DHX9: variants seen among roughly 807,000 people sequenced by gnomAD.
DHX9 encodes the protein ATP-dependent RNA helicase A.
DHX9 carries 27 observed loss-of-function variants against 148.7 expected under a neutral mutation model. That is an observed-to-expected ratio of 0.18 (90% CI 0.13 to 0.25). The LOEUF (loss-of-function observed/expected upper bound fraction) is 0.25, where lower values mean the gene tolerates loss of function less well. Among genes scored for constraint, DHX9 ranks in the 10% least tolerant of loss-of-function variants. DHX9 has a pLI of 1.00. For synonymous variants in DHX9, 529 were observed against 516.6 expected, an observed-to-expected ratio of 1.02 and a Z score of -0.33; for missense variants, 796 against 1,559.6, an observed-to-expected ratio of 0.51 and a Z score of 8.25.
At chr1:182,867,912 T>C (rs1557973764) in intron 14 of DHX9, among the ~76,000 whole-genome samples, 1 of 152,228 alleles carries the variant, frequency 6.6e-6, no homozygotes, top group Admixed American at 6.5e-5. Context: ...TATAGTGACT[T>C]TCAAAGGTTT....
At chr1:182,877,055 ATAAT>A (rs1278687604) in intron 19 of DHX9, 152 bp downstream of exon 19, 2 of 497,326 alleles carry the variant, frequency 4.0e-6, no homozygotes, top group East Asian at 3.2e-5. Flanking sequence ...TAGGTAATTG[ATAAT>A]TAAGAGTAAT....
At chr1:182,877,343 C>T (rs1648856111) in intron 19 of DHX9, 1 of 155,580 alleles carries the variant, frequency 6.4e-6, no homozygotes, top group Non-Finnish European at 1.4e-5. Flanking sequence ...TACCAGGAGA[C>T]ATTCTGTGTA....
At chr1:182,844,355 C>T (rs539018884) in intron 3 of DHX9, among the ~76,000 whole-genome samples, 49 of 152,258 alleles carry the variant, frequency 3.2e-4, no homozygotes, top group African/African-American at 1.1e-3. Flanking sequence ...GCAACAAATA[C>T]CTCTGTCTAG....
intron 19 of DHX9, 150 bp from the exon 20 acceptor site, chr1:182,877,871 T>C (rs1393572388): frequency 8.1e-6 from 7 of 861,774 alleles, no homozygotes; most frequent in Non-Finnish European, 6.9e-6. Flanking sequence ...GCAGTCAGAT[T>C]GCTGATTCTT....
chr1:182,843,235 T>A, intron 2 of DHX9, 59 bp from the exon 3 acceptor site: 1 of 1,415,640 alleles, frequency 7.1e-7, no homozygotes, highest in Non-Finnish European at 9.3e-7. Context: ...GAATTACGAC[T>A]TTTTAAAATC....
chr1:182,886,807 T>C (rs571418869), intron 27 of DHX9, among the ~76,000 whole-genome samples: 11 of 152,234 alleles, frequency 7.2e-5, no homozygotes, highest in Non-Finnish European at 1.0e-4. Flanking sequence ...GGAACACTTA[T>C]GTTATTGAAC....
At chr1:182,862,837 T>C (rs1365960142) in intron 12 of DHX9, among the ~76,000 whole-genome samples, 1 of 152,196 alleles carries the variant, frequency 6.6e-6, no homozygotes, top group Non-Finnish European at 1.5e-5. Flanking sequence ...ATCTCCAACC[T>C]CTTATGGTAT....
At chr1:182,846,481 G>A (rs1162956914) in intron 3 of DHX9, among the ~76,000 whole-genome samples, 2 of 152,164 alleles carry the variant, frequency 1.3e-5, no homozygotes, top group Non-Finnish European at 2.9e-5. Context: ...TTATCTGCCC[G>A]CCTTGGCCTC....
chr1:182,866,441 C>T lies in DHX9; in HGVS notation c.1333-3C>T, dbSNP rs377222056. On this transcript the variant is annotated splice_polypyrimidine_tract_variant and splice_region_variant and intron_variant, in intron 12 of 27. Coordinates refer to ENST00000367549, the MANE Select transcript of DHX9 (RefSeq NM_001357.5). ...AAGTCACTTTTCTTTTTTTCTGTCT[C>T]AGCCCAGAAGAATCAGTGCGGTTTC... is the stretch of plus-strand genomic sequence containing the variant. 1.8e-4 allele frequency: 295 copies of T among 1,611,938 alleles called. 1 individual carries two copies. The highest frequency in any genetic ancestry group is 2.4e-4 in the Non-Finnish European group (286 of 1,179,396).
rs550469290 is a variant in DHX9, at chr1:182,859,996, T to C, written c.1144T>C (p.Leu382=). ...AAGTGTGACTTTTCTAATGCAGATC[T>C]TGCAGGAGAGAGAGTTACTGCCTGT... ...LEQDHDLQAI[L]QERELLPVKK... is the part of the protein sequence containing the mutation. Residue 382 remains leucine (L), a synonymous_variant, in exon 12 of 28, where the codon TTG becomes CTG. Transcript: ENST00000367549. 1 of 1,609,530 alleles carries C rather than the reference T, an allele frequency of 6.2e-7. No individual in the cohort carries two copies.
intron 27 of DHX9, 110 bp from the exon 28 acceptor site, chr1:182,886,973 C>T: frequency 1.0e-6 from 1 of 974,006 alleles, no homozygotes. Context: ...GTGCATTTGG[C>T]TTCATTCCCT....
At chr1:182,865,860 CTTAAACA>C (rs1648272143) in intron 12 of DHX9, among the ~76,000 whole-genome samples, 1 of 152,210 alleles carries the variant, frequency 6.6e-6, no homozygotes, top group African/African-American at 2.4e-5. Context: ...AGATCCAACA[CTTAAACA>C]TTAATCTATA....
At chr1:182,873,328 A>C (rs1648624908) in intron 15 of DHX9, among the ~76,000 whole-genome samples, 1 of 152,208 alleles carries the variant, frequency 6.6e-6, no homozygotes, top group Non-Finnish European at 1.5e-5. Context: ...GGGAAAAAAA[A>C]GAATTATGGT....
chr1:182,859,480 T>G (rs976553444), intron 11 of DHX9, among the ~76,000 whole-genome samples: 1 of 152,228 alleles, frequency 6.6e-6, no homozygotes, highest in African/African-American at 2.4e-5. Flanking sequence ...AAAAGATACA[T>G]TCTTCAGAAG....
At chr1:182,861,682 TCTCA>T (rs1668366515) in intron 12 of DHX9, among the ~76,000 whole-genome samples, 1 of 152,224 alleles carries the variant, frequency 6.6e-6, no homozygotes, top group Admixed American at 6.5e-5. Flanking sequence ...AAGTGCTTTG[TCTCA>T]CTGTCTTTTA....
chr1:182,850,973 TAG>T (rs920543669), intron 3 of DHX9, among the ~76,000 whole-genome samples: 4 of 151,958 alleles, frequency 2.6e-5, no homozygotes, highest in South Asian at 4.2e-4. Context: ...TTGGTGTAGA[TAG>T]AGAGTGAGGT....
intron 6 of DHX9, 56 bp downstream of exon 6, chr1:182,854,234 C>CA: frequency 2.0e-6 from 3 of 1,483,610 alleles, no homozygotes; most frequent in Non-Finnish European, 2.7e-6. Context: ...TTTGGATATT[C>CA]ACTGTTGAAT....
At chr1:182,859,581 G>A (rs939620344) in intron 11 of DHX9, among the ~76,000 whole-genome samples, 6 of 152,090 alleles carry the variant, frequency 3.9e-5, no homozygotes, top group Non-Finnish European at 5.9e-5. Context: ...ATGGAAATGA[G>A]TAAGTTTTTA....
Position 182,858,561 on chromosome 1 carries a change from A to C in DHX9, c.821A>C (p.Tyr274Ser). The change falls in exon 9 of 28, where the codon TAC becomes TCC. Residue 274 changes from tyrosine (Y) to serine (S), a missense_variant. Around this residue, in one of 14 missense-constraint regions of DHX9, gnomAD observed 63 missense variants for 78.6 expected, o/e 0.80. Coordinates refer to ENST00000367549, the MANE Select transcript of DHX9 (RefSeq NM_001357.5). ...KKKEGETVEP[Y>S]KVNLSQDLEH... Reference sequence around the variant, plus strand: ...ATCCTTTTTCCATAGGTGGAGCCTTACAAAGTAAACCTCTCTCAAGATTTA... The same window carrying C: ...ATCCTTTTTCCATAGGTGGAGCCTTCCAAAGTAAACCTCTCTCAAGATTTA... The C allele has an allele frequency of 6.2e-7, 1 of 1,609,388 alleles. No individual in the cohort carries two copies. Among genetic ancestry groups the C allele is most frequent in the Non-Finnish European group, 8.5e-7 (1 of 1,177,306 alleles).
Sources: allele counts gnomAD v4.1 joint callset (sites outside exome capture counted in the v4.1 genomes callset), GRCh38; gene constraint gnomAD v4.1.1; regional missense constraint gnomAD v4.1.1; transcripts MANE v1.5; gene names NCBI Gene and HGNC (gene_info 2026-07-23, HGNC 2026-07-21).